The following SNRPE variants were observed in gnomAD, a reference collection of about 807,000 sequenced individuals.
The protein encoded by SNRPE is small nuclear ribonucleoprotein polypeptide E, also known as small nuclear ribonucleoprotein E.
For synonymous variants in SNRPE, 35 were observed against 36.7 expected (o/e 0.95, Z 0.17); for missense variants, 53 against 111.6 (o/e 0.48, Z 2.36).
intron 2 of SNRPE, 42 bp from the exon 3 acceptor site, chr1:203,863,621 A>AT: frequency 2.0e-6 from 3 of 1,512,874 alleles, no homozygotes; most frequent in Non-Finnish European, 1.8e-6. Flanking sequence ...GCCCGGCCCT[A>AT]TTTTTCTTTT....
At chr1:203,862,141 C>G (rs1442066431) in intron 1 of SNRPE, 55 bp from the exon 2 acceptor site, 1 of 1,433,312 alleles carries the variant, frequency 7.0e-7, no homozygotes, top group Non-Finnish European at 9.8e-7. Flanking sequence ...CCGGTTGTTT[C>G]AGGAAGCAGA....
chr1:203,868,092 G>C (rs917136152), intron 4 of SNRPE, among the ~76,000 whole-genome samples: 1 of 124,690 alleles, frequency 8.0e-6, no homozygotes, highest in Non-Finnish European at 1.8e-5. Context: ...CAGAGTCTCT[G>C]TCGCTCAGGC....
intron 4 of SNRPE, among the ~76,000 whole-genome samples, chr1:203,868,303 G>A (rs1202826239): frequency 1.3e-5 from 2 of 152,062 alleles, no homozygotes; most frequent in Non-Finnish European, 2.9e-5. Flanking sequence ...CAATCCACCT[G>A]CCTCGGCCTC....
At position 203,861,632 on chromosome 1, in the gene SNRPE, G is replaced by C; in HGVS notation, c.-28G>C. The C allele has an allele frequency of 6.3e-7, 1 of 1,598,104 alleles. No individual in the cohort carries two copies. The highest frequency in any genetic ancestry group is 2.2e-5 in the East Asian group (1 of 44,812). On this transcript the variant is annotated 5_prime_UTR_variant, in exon 1 of 5. Transcript: ENST00000414487. The stretch of plus-strand genomic sequence containing the variant: ...CGGAAGTTGCTCTCAGAGGCAGCGT[G>C]CGGGTGTGCTCTTTGTGAAATTCCA...
At chr1:203,866,334 CTT>C (rs897112299) in intron 4 of SNRPE, among the ~76,000 whole-genome samples, 20 of 152,190 alleles carry the variant, frequency 1.3e-4, no homozygotes, top group Admixed American at 2.0e-4. Flanking sequence ...ATTTTTCAGA[CTT>C]ATATATTCAT....
In SNRPE at chr1:203,870,090, A is replaced by G; in HGVS notation, c.*158A>G. The G allele has an allele frequency of 1.9e-6, 1 of 532,550 alleles. No individual in the cohort carries two copies. The highest frequency in any genetic ancestry group is 3.3e-6 in the Non-Finnish European group (1 of 305,026). 33.0% of individuals were successfully genotyped at this position (532,550 alleles called of 1,614,324 possible). A position where few individuals can be genotyped will look rare whatever the true frequency, so the allele number is the denominator to read the frequency against. ...GGATTGTTTGTATTAAAAAATTTAC[A>G]TTGCTTCTTACTATTCAGCAGTAGA... On this transcript the variant is annotated 3_prime_UTR_variant, in exon 5 of 5. Coordinates refer to ENST00000414487, the MANE Select transcript of SNRPE (RefSeq NM_003094.4).
intron 3 of SNRPE, 151 bp downstream of exon 3, chr1:203,863,876 A>T (rs1449511260): frequency 1.6e-6 from 1 of 606,394 alleles, no homozygotes; most frequent in South Asian, 2.4e-5. Context: ...TTCATTGTTG[A>T]TAGATAAGGA....
intron 2 of SNRPE, among the ~76,000 whole-genome samples, chr1:203,863,259 G>C (rs1265000621): frequency 6.6e-6 from 1 of 151,858 alleles, no homozygotes; most frequent in African/African-American, 2.4e-5. Flanking sequence ...GCCACAAAGC[G>C]AATTATTCCG....
intron 4 of SNRPE, among the ~76,000 whole-genome samples, chr1:203,867,658 A>G (rs952821616): frequency 1.3e-5 from 2 of 152,128 alleles, no homozygotes; most frequent in Admixed American, 1.3e-4. Context: ...CTGATATGAC[A>G]GGAGGCAGAG....
At chr1:203,868,564 T>C (rs1006879590) in intron 4 of SNRPE, among the ~76,000 whole-genome samples, 15 of 152,366 alleles carry the variant, frequency 9.8e-5, no homozygotes, top group African/African-American at 3.6e-4. Context: ...CAACCTGAAC[T>C]AGATATATGG....
Position 203,863,710 on chromosome 1 carries a change from A to T in SNRPE, c.129A>T (p.Ile43=), listed in dbSNP as rs745929209. The T allele has an allele frequency of 8.3e-5, 133 of 1,601,392 alleles. No homozygotes were observed. Among genetic ancestry groups the T allele is most frequent in the Non-Finnish European group, 1.1e-4 (128 of 1,168,576 alleles). The stretch of plus-strand genomic sequence containing the variant: ...TCTATGAGCAAGTGAATATGCGGAT[A>T]GAAGGCTGTATCATTGTGAGTATCC... ...VWLYEQVNMR[I]EGCIIGFDEY... Residue 43 remains isoleucine (I), a synonymous_variant, in exon 3 of 5, where the codon ATA becomes ATT. Coordinates refer to ENST00000414487, the MANE Select transcript of SNRPE (RefSeq NM_003094.4).
At chr1:203,862,302 C>A in intron 2 of SNRPE, 80 bp downstream of exon 2, 2 of 981,996 alleles carry the variant, frequency 2.0e-6, no homozygotes, top group South Asian at 2.6e-5. Flanking sequence ...CCTGAGCGAT[C>A]GCTGTGTTCT....
At position 203,863,645 on chromosome 1, in the gene SNRPE, C is replaced by G. The variant is rs767144727; in HGVS notation, c.82-18C>G. 6.2e-7 allele frequency: 1 copy of G among 1,603,816 alleles called. No homozygotes were observed. On this transcript the variant is annotated intron_variant, in intron 2 of 4. Coordinates refer to ENST00000414487, the MANE Select transcript of SNRPE (RefSeq NM_003094.4). ...TATTTTTCTTTTTTTAACGTTTCCA[C>G]TTTTATGATTATTTCAGAGATCGCG... is the stretch of plus-strand genomic sequence containing the variant.
intron 2 of SNRPE, 69 bp from the exon 3 acceptor site, chr1:203,863,594 C>T (rs1558156570): frequency 2.8e-6 from 3 of 1,068,118 alleles, no homozygotes; most frequent in Non-Finnish European, 1.5e-6. Flanking sequence ...GCTGGGATTA[C>T]AGGCGTGAGC....
chr1:203,865,671 T>C (rs1040576601), intron 4 of SNRPE, among the ~76,000 whole-genome samples: 4 of 152,156 alleles, frequency 2.6e-5, no homozygotes, highest in African/African-American at 9.7e-5. Flanking sequence ...ATCCCCAAGA[T>C]TGCCTTCCAT....
intron 4 of SNRPE, 108 bp from the exon 5 acceptor site, chr1:203,869,769 A>G (rs757880171): frequency 5.7e-5 from 41 of 715,484 alleles, no homozygotes; most frequent in Non-Finnish European, 8.7e-5. Flanking sequence ...ACATATTTTT[A>G]TAAGAAAGCA....
intron 2 of SNRPE, among the ~76,000 whole-genome samples, chr1:203,862,915 A>C (rs992164915): frequency 6.6e-6 from 1 of 152,098 alleles, no homozygotes; most frequent in Non-Finnish European, 1.5e-5. Flanking sequence ...GCTTTGTGCT[A>C]TGCTGTCAAA....
chr1:203,870,140 CG>C lies in SNRPE; in HGVS notation c.*209del, dbSNP rs1417446035. ...AAACTTTTTACACAGTAACACCATT[CG>C]TTGCTGGTATTTAGTTTTCTGAAGG... On this transcript the variant is annotated 3_prime_UTR_variant, in exon 5 of 5. Transcript: ENST00000414487. 1 of 450,676 alleles carries C rather than the reference CG, an allele frequency of 2.2e-6. No individual in the cohort carries two copies. 27.9% of individuals were successfully genotyped at this position (450,676 alleles called of 1,614,324 possible).
In SNRPE at chr1:203,870,108, G is replaced by T; in HGVS notation, c.*176G>T. ...AATTTACATTGCTTCTTACTATTCA[G>T]CAGTAGAAACTTTTTACACAGTAAC... On this transcript the variant is annotated 3_prime_UTR_variant, in exon 5 of 5. Transcript: ENST00000414487. The T allele has an allele frequency of 2.0e-6, 1 of 500,356 alleles. No individual in the cohort carries two copies. Among genetic ancestry groups the T allele is most frequent in the Non-Finnish European group, 3.5e-6 (1 of 284,888 alleles). 31.0% of individuals were successfully genotyped at this position (500,356 alleles called of 1,614,324 possible).
Sources: allele counts gnomAD v4.1 joint callset (sites outside exome capture counted in the v4.1 genomes callset), GRCh38; gene constraint gnomAD v4.1.1; transcripts MANE v1.5; gene names NCBI Gene and HGNC (gene_info 2026-07-23, HGNC 2026-07-21).